FLT4: variants seen among roughly 807,000 people sequenced by gnomAD.
The protein encoded by FLT4 is fms related receptor tyrosine kinase 4, also known as vascular endothelial growth factor receptor 3.
Under a neutral mutation model 163.2 loss-of-function variants are expected in FLT4, and 30 were observed. The ratio of observed to expected loss-of-function variants is 0.18; its 90% CI spans 0.14 to 0.25. The LOEUF is 0.25. Among genes scored for constraint, FLT4 ranks in the 10% least tolerant of loss-of-function variants. The pLI is 1.00. For synonymous variants in FLT4, 884 were observed against 789.5 expected (o/e 1.12, Z -2.01); for missense variants, 1,510 against 1,863.8 (o/e 0.81, Z 3.50).
chr5:180,648,165 T>C (rs534306331), intron 1 of FLT4, among the ~76,000 whole-genome samples: 1 of 152,316 alleles, frequency 6.6e-6, no homozygotes, highest in African/African-American at 2.4e-5. Context: ...TGAGCACCTG[T>C]GGGAGCCTGG....
At chr5:180,610,970 T>C (rs1010999703) in intron 27 of FLT4, among the ~76,000 whole-genome samples, 2 of 152,146 alleles carry the variant, frequency 1.3e-5, no homozygotes, top group Non-Finnish European at 2.9e-5. Context: ...GGCAGGAGAA[T>C]GGCGTGAACC....
intron 1 of FLT4, 48 bp downstream of exon 1, chr5:180,649,440 C>T: frequency 2.9e-6 from 4 of 1,396,618 alleles, no homozygotes; most frequent in Non-Finnish European, 3.8e-6. Flanking sequence ...GGTACCCCCT[C>T]CCCGGCCAGC....
Position 180,620,635 on chromosome 5 carries a change from G to T in FLT4, c.2380C>A (p.Leu794Ile), listed in dbSNP as rs1392176864. 1 of 1,612,866 alleles carries T rather than the reference G, an allele frequency of 6.2e-7. No homozygotes were observed. The highest frequency in any genetic ancestry group is 1.7e-5 in the Admixed American group (1 of 59,994). ...VIAVFFWVLL[L>I]LIFCNMRRPA... ...CTCCTCATGTTACAGAAGATGAGGA[G>T]GAGGAGGACCCAGAAGAAGACAGCG... The change falls in exon 16 of 30, where the codon CTC becomes ATC. Residue 794 changes from leucine (L) to isoleucine (I), a missense_variant. Leu to Ile is a conservative substitution (Grantham distance 5). Around this residue, in one of 5 missense-constraint regions of FLT4, gnomAD observed 878 missense variants for 1,016.7 expected, o/e 0.86. Transcript: ENST00000261937. The surrounding 1 kb of genome is among the most constrained non-coding windows in gnomAD (Gnocchi z 4.4).
chr5:180,611,305 A>G (rs1561695529), intron 27 of FLT4, 26 bp downstream of exon 27: 3 of 1,612,786 alleles, frequency 1.9e-6, no homozygotes, highest in South Asian at 1.1e-5. Flanking sequence ...CTCCCACCCT[A>G]CTCCTGGACC....
At position 180,623,886 on chromosome 5, in the gene FLT4, C is replaced by CCTCCCTTCTCCTT. The variant is rs776572455; in HGVS notation, c.1548+36_1548+48dup. 22 of 1,610,824 alleles carry CCTCCCTTCTCCTT rather than the reference C, an allele frequency of 1.4e-5. 1 individual carries two copies. In the South Asian group the frequency reaches 2.4e-4, roughly 18 times the overall value. The stretch of plus-strand genomic sequence containing the variant: ...CACATGGCAGTAATGGCCTCTCTCT[C>CCTCCCTTCTCCTT]CTCCCTTCTCCTTCTCCCTGGGCAC... On this transcript the variant is annotated intron_variant, in intron 11 of 29. Transcript: ENST00000261937. This position sits in a 1 kb window ranked among gnomAD's most constrained non-coding sequence, Gnocchi z 5.8.
At chr5:180,633,784 T>G (rs145288080) in intron 1 of FLT4, among the ~76,000 whole-genome samples, 1 of 152,252 alleles carries the variant, frequency 6.6e-6, no homozygotes, top group East Asian at 1.9e-4. Context: ...AGCATGGGGC[T>G]AGACCCGTCC....
intron 14 of FLT4, 37 bp downstream of exon 14, chr5:180,621,069 C>T (rs1374567933): frequency 6.2e-7 from 1 of 1,612,624 alleles, no homozygotes; most frequent in Non-Finnish European, 8.5e-7. Flanking sequence ...CCTCGCGGGC[C>T]TCCGGACCTG....
chr5:180,611,337 G>T lies in FLT4; in HGVS notation c.3680C>A (p.Ala1227Asp), dbSNP rs1398985437. Residue 1227 changes from alanine to aspartate, a missense_variant, in exon 27 of 30, where the codon GCC becomes GAC. Transcript: ENST00000261937. ...SPPSLQRHSL[A>D]ARYYNWVSFP... ...GACCTGCAGGACAGCTGACCTGGCGGCCAGGCTGTGGCGCTGCAGGCTTGG... is the reference window on the plus strand; with the variant it reads ...GACCTGCAGGACAGCTGACCTGGCGTCCAGGCTGTGGCGCTGCAGGCTTGG... The T allele has an allele frequency of 1.7e-5, 27 of 1,613,752 alleles. No individual in the cohort carries two copies. Among genetic ancestry groups the T allele is most frequent in the Non-Finnish European group, 2.3e-5 (27 of 1,179,980 alleles).
intron 29 of FLT4, among the ~76,000 whole-genome samples, chr5:180,606,780 T>C (rs567898448): frequency 3.3e-5 from 5 of 152,032 alleles, no homozygotes; most frequent in African/African-American, 7.2e-5. Flanking sequence ...CCTGATGAGC[T>C]GGGCGTGGTG....
Position 180,636,550 on chromosome 5 carries a change from A to C in FLT4, c.59-4772T>G. On this transcript the variant is annotated intron_variant, in intron 1 of 29. Coordinates refer to ENST00000261937, the MANE Select transcript of FLT4 (RefSeq NM_182925.5). The surrounding 1 kb of genome is among the most constrained non-coding windows in gnomAD (Gnocchi z 4.3). ...TGCTGACCGTAGCTCCTGGCTCACC[A>C]TCCCCCCCACCCCAGCTCCTGCCCT... Among the ~76,000 whole-genome samples, 1 of 101,178 alleles carries C rather than the reference A, an allele frequency of 9.9e-6. No individual in the cohort carries two copies. The highest frequency in any genetic ancestry group is 1.9e-5 in the Non-Finnish European group (1 of 51,644). 66.4% of individuals were successfully genotyped at this position (101,178 alleles called of 152,430 possible). A position where few individuals can be genotyped will look rare whatever the true frequency, so the allele number is the denominator to read the frequency against.
At chr5:180,619,539 T>A (rs780346871) in intron 18 of FLT4, 126 bp downstream of exon 18, 5 of 1,003,874 alleles carry the variant, frequency 5.0e-6, no homozygotes, top group Non-Finnish European at 8.0e-6. Flanking sequence ...GCAGCCTCCC[T>A]GTAGAATCTC....
At chr5:180,613,177 A>AC in intron 24 of FLT4, 67 bp from the exon 25 acceptor site, 1 of 1,148,312 alleles carries the variant, frequency 8.7e-7, no homozygotes, top group South Asian at 1.3e-5. Context: ...CCCCCAAGTC[A>AC]CCCCATCCTG....
rs768316951 is a variant in FLT4, at chr5:180,611,369, G to A, written c.3648C>T (p.Asp1216=). Residue 1216 remains aspartate (D), a synonymous_variant, in exon 27 of 30, where the codon GAC becomes GAT. Coordinates refer to ENST00000261937, the MANE Select transcript of FLT4 (RefSeq NM_182925.5). Reference sequence around the variant, plus strand: ...TGTGGCGCTGCAGGCTTGGCGGGCTGTCCTCAGCGTCAGCCTGGGCGATGT... The same window carrying A: ...TGTGGCGCTGCAGGCTTGGCGGGCTATCCTCAGCGTCAGCCTGGGCGATGT... ...ALHIAQADAE[D]SPPSLQRHSL... 1.2e-6 allele frequency: 2 copies of A among 1,613,880 alleles called. No homozygotes were observed. Among genetic ancestry groups the A allele is most frequent in the Non-Finnish European group, 1.7e-6 (2 of 1,179,980 alleles).
chr5:180,606,054 T>C (rs947014903), intron 29 of FLT4, among the ~76,000 whole-genome samples: 1 of 152,200 alleles, frequency 6.6e-6, no homozygotes, highest in Non-Finnish European at 1.5e-5. Flanking sequence ...CAGCATTCTG[T>C]ATGCCAAGCG....
Position 180,632,680 on chromosome 5 carries a change from G to A in FLT4, c.59-902C>T, listed in dbSNP as rs1181477106. ...TGCATCTGTAACTGTAGGCCTGGGT[G>A]TGTGAGTCTGTGTGTGCCTATGTCT... On this transcript the variant is annotated intron_variant, in intron 1 of 29. Transcript: ENST00000261937. 2.0e-5 allele frequency among the ~76,000 whole-genome samples: 3 copies of A among 152,174 alleles called. No individual in the cohort carries two copies. The South Asian group carries it at 6.2e-4, about 32-fold the overall frequency.
rs374274961 is a variant in FLT4, at chr5:180,621,158, G to T, written c.2115C>A (p.His705Gln). ...CTTTGTACCACACGATGCTGGGCGC[G>T]TGCGCTCCGGCCACCAAGCACTGCA... ...LEMQCLVAGA[H>Q]APSIVWYKDE... Residue 705 changes from histidine (H) to glutamine (Q), a missense_variant, in exon 14 of 30, where the codon CAC becomes CAA. Physicochemically the swap from His to Gln is conservative, Grantham distance 24 (BLOSUM62 0). Coordinates refer to ENST00000261937, the MANE Select transcript of FLT4 (RefSeq NM_182925.5). The T allele has an allele frequency of 6.2e-7, 1 of 1,612,808 alleles. No individual in the cohort carries two copies.
chr5:180,649,461 G>T, intron 1 of FLT4, 27 bp downstream of exon 1: 1 of 1,449,468 alleles, frequency 6.9e-7, no homozygotes, highest in Non-Finnish European at 9.1e-7. Context: ...CCCACGCTCG[G>T]GCGGGTGGCC....
chr5:180,620,126 T>A lies in FLT4; in HGVS notation c.2542+47A>T. 1 of 1,582,394 alleles carries A rather than the reference T, an allele frequency of 6.3e-7. No homozygotes were observed. The highest frequency in any genetic ancestry group is 1.7e-5 in the Admixed American group (1 of 58,160). On this transcript the variant is annotated intron_variant, in intron 17 of 29. Transcript: ENST00000261937. The surrounding 1 kb of genome is among the most constrained non-coding windows in gnomAD (Gnocchi z 4.4). Reference sequence around the variant, plus strand: ...TTCAGGCACTCCGGCCTGCAGCAGGTGGGTCGGGCAGGAGGTGTGGGTTGG... The same window carrying A: ...TTCAGGCACTCCGGCCTGCAGCAGGAGGGTCGGGCAGGAGGTGTGGGTTGG...
At chr5:180,644,793 T>C (rs1386147139) in intron 1 of FLT4, among the ~76,000 whole-genome samples, 1 of 152,216 alleles carries the variant, frequency 6.6e-6, no homozygotes, top group Non-Finnish European at 1.5e-5. Context: ...TCAATCTCCA[T>C]TTGGTAGAAT....
Sources: gnomAD v4.1 joint callset for allele counts (sites outside exome capture counted in the v4.1 genomes callset) on GRCh38, gnomAD v4.1.1 for gene constraint, gnomAD v4.1.1 regional missense constraint, Gnocchi (gnomAD v3.1) non-coding constraint, MANE v1.5 for transcripts, NCBI Gene and HGNC (gene_info 2026-07-23, HGNC 2026-07-21) for gene names.